The following PC variants were observed in gnomAD, a reference collection of about 807,000 sequenced individuals.
PC encodes the protein pyruvate carboxylase, mitochondrial.
PC carries 46 observed loss-of-function variants against 107.8 expected under a neutral mutation model. That is an observed-to-expected ratio of 0.43 (90% CI 0.34 to 0.55). The LOEUF is 0.55. Ranked by LOEUF, PC falls within the 20% of genes least tolerant of loss-of-function variation. The probability of loss-of-function intolerance (pLI) is 0.04; values close to 1 mark genes in which losing one functional copy is unlikely to be tolerated. For synonymous variants in PC, 662 were observed against 684.7 expected (o/e 0.97, Z 0.52); for missense variants, 1,241 against 1,643.1 (o/e 0.76, Z 4.23).
chr11:66,934,036 G>A (rs1236827162), intron 3 of PC, among the ~76,000 whole-genome samples: 6 of 152,106 alleles, frequency 3.9e-5, no homozygotes, highest in Admixed American at 3.9e-4. Context: ...CACCCTTGCC[G>A]GCTTCCCACT....
intron 3 of PC, among the ~76,000 whole-genome samples, chr11:66,921,769 G>T (rs10791896): frequency 0.44 from 66,406 of 151,988 alleles, 14,831 homozygotes; most frequent in Middle Eastern, 0.49. Flanking sequence ...GAGGCCCCAG[G>T]ACAGCAGAAC....
intron 3 of PC, among the ~76,000 whole-genome samples, chr11:66,926,777 T>C (rs1481777952): frequency 7.0e-6 from 1 of 143,404 alleles, no homozygotes; most frequent in Non-Finnish European, 1.5e-5. Context: ...CTATGGCCTA[T>C]TCTGGATATT....
chr11:66,891,157 A>C (rs1050522208), intron 3 of PC, among the ~76,000 whole-genome samples: 1 of 151,756 alleles, frequency 6.6e-6, no homozygotes, highest in Non-Finnish European at 1.5e-5. Context: ...CCCAGGTTCA[A>C]GTGATTCTCC....
Position 66,859,178 on chromosome 11 carries a change from T to A in PC, c.1368+4596A>T, listed in dbSNP as rs1299588058. 5 of 1,406,702 alleles carry A rather than the reference T, an allele frequency of 3.6e-6. No individual in the cohort carries two copies. In the Admixed American group the frequency reaches 1.0e-4, roughly 29 times the overall value. 87.1% of individuals were successfully genotyped at this position (1,406,702 alleles called of 1,614,324 possible). On this transcript the variant is annotated intron_variant, in intron 12 of 22. Transcript: ENST00000393960. ...CCCCACAAGGCTTTGCTTCCACCCCTCCTCTCTCTGGGGCTGACACCCCCT... is the reference window on the plus strand; with the variant it reads ...CCCCACAAGGCTTTGCTTCCACCCCACCTCTCTCTGGGGCTGACACCCCCT...
intron 11 of PC, 84 bp from the exon 12 acceptor site, chr11:66,864,040 C>T (rs892412071): frequency 7.5e-6 from 10 of 1,336,394 alleles, no homozygotes; most frequent in South Asian, 3.5e-5. Context: ...GCCAGGTGTG[C>T]ACCCAGCAGC....
In PC at chr11:66,870,993, C is replaced by G; in HGVS notation, c.633+59G>C. ...CTTTCCAGATCCCTTGAGTGGTCCG[C>G]CCCTGCCCCCACGGCAGGCTGCCCT... On this transcript the variant is annotated intron_variant, in intron 7 of 22. Coordinates refer to ENST00000393960, the MANE Select transcript of PC (RefSeq NM_001040716.2). This position sits in a 1 kb window ranked among gnomAD's most constrained non-coding sequence, Gnocchi z 6.1. 3.7e-6 allele frequency: 6 copies of G among 1,610,494 alleles called. No homozygotes were observed. The highest frequency in any genetic ancestry group is 5.1e-6 in the Non-Finnish European group (6 of 1,177,782).
At chr11:66,855,056 C>T (rs959657093) in intron 12 of PC, among the ~76,000 whole-genome samples, 20 of 152,272 alleles carry the variant, frequency 1.3e-4, no homozygotes, top group African/African-American at 3.9e-4. Flanking sequence ...GGAACCTGCA[C>T]GGGCAGGGCT....
At position 66,956,315 on chromosome 11, in the gene PC, T is replaced by A. The variant is rs141184492; in HGVS notation, c.-227-1879A>T. 8.6e-3 allele frequency among the ~76,000 whole-genome samples: 1,303 copies of A among 152,096 alleles called. 23 individuals carry two copies. The highest frequency in any genetic ancestry group is 0.029 in the African/African-American group (1,199 of 41,530). ...AACCTCTGTAACTGGCCAGGCATGA[T>A]GGCTCATGCCTATAATCCCAGCACT... On this transcript the variant is annotated intron_variant, in intron 1 of 22. Coordinates refer to ENST00000393960, the MANE Select transcript of PC (RefSeq NM_001040716.2).
At chr11:66,885,828 G>A (rs940223775) in intron 3 of PC, among the ~76,000 whole-genome samples, 1 of 152,324 alleles carries the variant, frequency 6.6e-6, no homozygotes, top group African/African-American at 2.4e-5. Context: ...AGAAGTCACC[G>A]TTGTTTTCAC....
chr11:66,874,915 G>A (rs934668902), intron 3 of PC, among the ~76,000 whole-genome samples: 4 of 152,186 alleles, frequency 2.6e-5, no homozygotes, highest in Non-Finnish European at 5.9e-5. Context: ...GGACCTGGAT[G>A]GGGAGAAGTC....
chr11:66,907,088 C>T (rs1948189077), intron 3 of PC, among the ~76,000 whole-genome samples: 1 of 152,226 alleles, frequency 6.6e-6, no homozygotes, highest in Non-Finnish European at 1.5e-5. Flanking sequence ...GAACTATGAG[C>T]AGGGCCTCCC....
Position 66,945,006 on chromosome 11 carries a change from T to A in PC, c.-1+7424A>T, listed in dbSNP as rs1287649790. Among the ~76,000 whole-genome samples the A allele has an allele frequency of 4.3e-5, 5 of 117,560 alleles. 2 individuals carry two copies. The East Asian group carries it at 1.3e-3, about 31-fold the overall frequency. The allele number at this position is 117,560 out of a possible 152,430, so 77.1% of individuals were successfully genotyped here. On this transcript the variant is annotated intron_variant, in intron 3 of 22. Transcript: ENST00000393960. The stretch of plus-strand genomic sequence containing the variant: ...TGATGGCAATGGGCTCTCCAAAGAT[T>A]GGTAGCTCTCCACCGGGAGGTTAGG...
At chr11:66,913,428 T>C (rs1236502506) in intron 3 of PC, among the ~76,000 whole-genome samples, 1 of 151,964 alleles carries the variant, frequency 6.6e-6, no homozygotes, top group Non-Finnish European at 1.5e-5. Context: ...CTCACGCTTG[T>C]AATCCCAGCA....
intron 3 of PC, among the ~76,000 whole-genome samples, chr11:66,910,535 T>C (rs1172760034): frequency 6.6e-6 from 1 of 152,162 alleles, no homozygotes; most frequent in East Asian, 1.9e-4. Flanking sequence ...TACTAGGTGC[T>C]ATAGGGAAGC....
chr11:66,848,794 G>C lies in PC; in HGVS notation c.*105C>G, dbSNP rs564763413. On this transcript the variant is annotated 3_prime_UTR_variant, in exon 23 of 23. Coordinates refer to ENST00000393960, the MANE Select transcript of PC (RefSeq NM_001040716.2). ...GTCCAGCTGTGGACAGGACCTCCACGGCCCGGCCTTCCTGGCCTCGGGCAC... is the reference window on the plus strand; with the variant it reads ...GTCCAGCTGTGGACAGGACCTCCACCGCCCGGCCTTCCTGGCCTCGGGCAC... 2.7e-6 allele frequency: 4 copies of C among 1,454,818 alleles called. No homozygotes were observed. The highest frequency in any genetic ancestry group is 3.8e-6 in the Non-Finnish European group (4 of 1,045,420). The allele number at this position is 1,454,818 out of a possible 1,614,324, so 90.1% of individuals were successfully genotyped here.
At chr11:66,957,281 G>A (rs1949585637) in intron 1 of PC, among the ~76,000 whole-genome samples, 2 of 152,222 alleles carry the variant, frequency 1.3e-5, no homozygotes, top group South Asian at 4.1e-4. Context: ...TGGAGAACGG[G>A]TAAGGAGCCC....
At chr11:66,914,386 C>A (rs1948416757) in intron 3 of PC, among the ~76,000 whole-genome samples, 1 of 151,974 alleles carries the variant, frequency 6.6e-6, no homozygotes, top group African/African-American at 2.4e-5. Context: ...GTGGCAGGCA[C>A]CTGTAATGCC....
At chr11:66,947,811 A>G (rs887743927) in intron 3 of PC, among the ~76,000 whole-genome samples, 1 of 150,850 alleles carries the variant, frequency 6.6e-6, no homozygotes, top group Non-Finnish European at 1.5e-5. Context: ...AAAAATACAA[A>G]AATTAGCTGG....
At chr11:66,941,693 C>T (rs1334095799) in intron 3 of PC, among the ~76,000 whole-genome samples, 2 of 152,212 alleles carry the variant, frequency 1.3e-5, no homozygotes, top group African/African-American at 2.4e-5. Flanking sequence ...GGGGTTTCAC[C>T]GTGTTAGCCA....
Sources: allele counts gnomAD v4.1 joint callset (sites outside exome capture counted in the v4.1 genomes callset), GRCh38; gene constraint gnomAD v4.1.1; non-coding constraint Gnocchi (gnomAD v3.1); transcripts MANE v1.5; gene names NCBI Gene and HGNC (gene_info 2026-07-23, HGNC 2026-07-21).